Variants in FCF1 observed in about 807,000 individuals in gnomAD.
FCF1 encodes rRNA-processing protein FCF1 homolog.
Under a neutral mutation model 32.5 loss-of-function variants are expected in FCF1, and 17 were observed. That is an observed-to-expected ratio of 0.52 (90% CI 0.36 to 0.78). The LOEUF is 0.78. FCF1 is among the 30% of genes least tolerant of loss of function. FCF1 has a pLI of 0.00. For synonymous variants in FCF1, 84 were observed against 78.4 expected (o/e 1.07, Z -0.38); for missense variants, 201 against 241.1 (o/e 0.83, Z 1.10).
At position 74,736,522 on chromosome 14, in the gene FCF1, T is replaced by C. The variant is rs2090709852; in HGVS notation, c.*1592T>C. On this transcript the variant is annotated 3_prime_UTR_variant, in exon 8 of 8. Transcript: ENST00000341162. ...ACAGTGTGGTGCCTATACTTAATAA[T>C]GGGGTATTATACATTTCAAAATTGA... is the stretch of plus-strand genomic sequence containing the variant. 6.6e-6 allele frequency: 1 copy of C among 152,192 alleles called. No homozygotes were observed. The highest frequency in any genetic ancestry group is 2.4e-5 in the African/African-American group (1 of 41,438). 9.4% of individuals were successfully genotyped at this position (152,192 alleles called of 1,614,324 possible).
At chr14:74,713,638 TG>T in intron 2 of FCF1, 86 bp downstream of exon 2, 6 of 1,238,232 alleles carry the variant, frequency 4.8e-6, no homozygotes, top group Non-Finnish European at 6.9e-6. Context: ...GTTATTATTT[TG>T]TTTTTTGCTT....
intron 2 of FCF1, 98 bp from the exon 3 acceptor site, chr14:74,714,774 A>T: frequency 7.1e-7 from 1 of 1,417,290 alleles, no homozygotes; most frequent in Non-Finnish European, 9.3e-7. Context: ...TTTCTTCAGT[A>T]GACCAAAAAA....
intron 2 of FCF1, 145 bp from the exon 3 acceptor site, chr14:74,714,727 T>C: frequency 9.1e-7 from 1 of 1,099,618 alleles, no homozygotes; most frequent in South Asian, 1.6e-5. Flanking sequence ...TCAGAAAGAG[T>C]ATGCTGATAT....
chr14:74,732,263 G>C (rs779992691), intron 5 of FCF1, among the ~76,000 whole-genome samples: 4 of 151,902 alleles, frequency 2.6e-5, no homozygotes, highest in Non-Finnish European at 5.9e-5. Context: ...ATAGGATAAG[G>C]GCACCAAAAT....
chr14:74,713,639 G>GTT (rs3214407), intron 2 of FCF1, 87 bp downstream of exon 2: 4 of 1,220,836 alleles, frequency 3.3e-6, no homozygotes, highest in African/African-American at 3.1e-5. Context: ...TTATTATTTT[G>GTT]TTTTTTGCTT....
intron 5 of FCF1, among the ~76,000 whole-genome samples, chr14:74,730,563 A>T (rs538229398): frequency 2.6e-5 from 4 of 152,182 alleles, no homozygotes; most frequent in Admixed American, 1.3e-4. Flanking sequence ...AAAATACAAA[A>T]ATTAGCTGGG....
chr14:74,718,776 T>G (rs114382974), intron 4 of FCF1, among the ~76,000 whole-genome samples: 4,387 of 152,078 alleles, frequency 0.029, 140 homozygotes, highest in African/African-American at 0.078. Flanking sequence ...CTGGCCAGTA[T>G]TAATATACTT....
At chr14:74,730,252 G>A (rs1476478314) in intron 5 of FCF1, among the ~76,000 whole-genome samples, 2 of 127,134 alleles carry the variant, frequency 1.6e-5, no homozygotes, top group African/African-American at 6.1e-5. Flanking sequence ...TCACTCTGTC[G>A]CCCAGGCTGG....
At chr14:74,729,096 T>C (rs918108121) in intron 5 of FCF1, among the ~76,000 whole-genome samples, 1 of 152,232 alleles carries the variant, frequency 6.6e-6, no homozygotes, top group Admixed American at 6.5e-5. Flanking sequence ...GGCTTTGGTA[T>C]CAGGATGATG....
intron 3 of FCF1, among the ~76,000 whole-genome samples, chr14:74,715,326 A>G (rs2090404073): frequency 6.6e-6 from 1 of 152,230 alleles, no homozygotes; most frequent in Non-Finnish European, 1.5e-5. Flanking sequence ...ATATAAAGAT[A>G]TAAAGGTATT....
intron 5 of FCF1, among the ~76,000 whole-genome samples, chr14:74,723,577 C>T (rs1347530656): frequency 1.3e-5 from 2 of 151,810 alleles, no homozygotes; most frequent in South Asian, 2.1e-4. Flanking sequence ...GCCTGTAATC[C>T]CAGCACTTTG....
chr14:74,715,965 C>A lies in FCF1; in HGVS notation c.158C>A (p.Ser53Tyr), dbSNP rs1043642958. 2.5e-6 allele frequency: 4 copies of A among 1,613,732 alleles called. No homozygotes were observed. In the African/African-American group the frequency reaches 5.3e-5, roughly 22 times the overall value. Reference protein sequence around the residue: ...LKEREVPQHPSCLFFQYNTQL... With the variant: ...LKEREVPQHPYCLFFQYNTQL... ...TTTTCCTTCAGTCCCCAACACCCTT[C>A]CTGCTTATTTTTCCAATATAATACA... The change falls in exon 4 of 8, where the codon TCC becomes TAC. Residue 53 changes from serine to tyrosine, a missense_variant. By Grantham distance (144) the Ser-to-Tyr change is moderately radical. Transcript: ENST00000341162.
In FCF1 at chr14:74,735,006, C is replaced by T. The variant is rs754200086; in HGVS notation, c.*76C>T. On this transcript the variant is annotated 3_prime_UTR_variant, in exon 8 of 8. Transcript: ENST00000341162. ...TGCCAGTTCATTACACAAAATGTAG[C>T]GGGATTTTTAAGGAATCAGAGAGAC... 90 of 1,270,920 alleles carry T rather than the reference C, an allele frequency of 7.1e-5. No homozygotes were observed. Among genetic ancestry groups the T allele is most frequent in the East Asian group, 1.4e-4 (6 of 43,252 alleles). 78.7% of individuals were successfully genotyped at this position (1,270,920 alleles called of 1,614,324 possible).
At chr14:74,723,403 G>C (rs1566718096) in intron 5 of FCF1, 59 bp downstream of exon 5, 1 of 1,221,658 alleles carries the variant, frequency 8.2e-7, no homozygotes, top group South Asian at 1.3e-5. Flanking sequence ...TCATCTGTTT[G>C]TTGTTTAAAG....
chr14:74,714,001 AT>A (rs1463545658), intron 2 of FCF1, among the ~76,000 whole-genome samples: 2 of 152,258 alleles, frequency 1.3e-5, no homozygotes, highest in Non-Finnish European at 2.9e-5. Context: ...ACTCCAAGAT[AT>A]CTCCATTTTA....
At chr14:74,730,962 C>T (rs2090628812) in intron 5 of FCF1, among the ~76,000 whole-genome samples, 1 of 151,786 alleles carries the variant, frequency 6.6e-6, no homozygotes, top group Admixed American at 6.6e-5. Flanking sequence ...TGTGCCAATG[C>T]ACTCCAGTCT....
intron 5 of FCF1, among the ~76,000 whole-genome samples, chr14:74,730,629 G>A (rs1295558083): frequency 6.6e-6 from 1 of 152,102 alleles, no homozygotes; most frequent in East Asian, 1.9e-4. Flanking sequence ...CAGGAGAATT[G>A]CTTGAGGCTG....
rs563966573 is a variant in FCF1 at position 74,735,328 on chromosome 14, C to T, written c.*398C>T. On this transcript the variant is annotated 3_prime_UTR_variant, in exon 8 of 8. Coordinates refer to ENST00000341162, the MANE Select transcript of FCF1 (RefSeq NM_015962.5). ...CACAGCTAGAGAAACAGGGTATTTA[C>T]AATGCCTGGGAAAGGAGGAGAGATA... 9 of 155,270 alleles carry T rather than the reference C, an allele frequency of 5.8e-5. No homozygotes were observed. Among genetic ancestry groups the T allele is most frequent in the African/African-American group, 2.2e-4 (9 of 41,500 alleles). The allele number at this position is 155,270 out of a possible 1,614,324, so 9.6% of individuals were successfully genotyped here. A position where few individuals can be genotyped will look rare whatever the true frequency, so the allele number is the denominator to read the frequency against.
At chr14:74,734,257 T>C in intron 7 of FCF1, 87 bp downstream of exon 7, 1 of 743,160 alleles carries the variant, frequency 1.3e-6, no homozygotes, top group Non-Finnish European at 2.2e-6. Context: ...TATAAAGGAT[T>C]TGAAAGAAAT....
Sources: allele counts gnomAD v4.1 joint callset (sites outside exome capture counted in the v4.1 genomes callset), GRCh38; gene constraint gnomAD v4.1.1; transcripts MANE v1.5; gene names NCBI Gene and HGNC (gene_info 2026-07-23, HGNC 2026-07-21).